Variants in ZFAND3 observed in about 807,000 individuals in gnomAD.
ZFAND3 encodes AN1-type zinc finger protein 3.
In ZFAND3, 10 loss-of-function variants were observed where a neutral mutation model predicts 29.6. The observed-to-expected ratio is 0.34, with a 90% CI of 0.21 to 0.57. The LOEUF (loss-of-function observed/expected upper bound fraction) is 0.57. Among genes scored for constraint, ZFAND3 ranks in the 20% least tolerant of loss-of-function variants. The pLI is 0.86. For synonymous variants in ZFAND3, 128 were observed against 112.6 expected (o/e 1.14, Z -0.87); for missense variants, 230 against 304.5 (o/e 0.76, Z 1.82).
chr6:37,877,082 A>G (rs1764807816), intron 1 of ZFAND3, among the ~76,000 whole-genome samples: 1 of 152,192 alleles, frequency 6.6e-6, no homozygotes, highest in African/African-American at 2.4e-5. Flanking sequence ...GGTTTTGTAT[A>G]GGTCTTTAAT....
chr6:37,951,168 C>T (rs564529588), intron 2 of ZFAND3, among the ~76,000 whole-genome samples: 2 of 152,112 alleles, frequency 1.3e-5, no homozygotes, highest in South Asian at 4.1e-4. Flanking sequence ...TGATTTGGCT[C>T]TCAGCTTGGA....
intron 2 of ZFAND3, among the ~76,000 whole-genome samples, chr6:38,014,590 G>A (rs1185717534): frequency 6.6e-6 from 1 of 152,144 alleles, no homozygotes; most frequent in Non-Finnish European, 1.5e-5. Context: ...GCCTCCCAAA[G>A]TGCTGGGATT....
chr6:38,083,696 G>A (rs1335068473), intron 4 of ZFAND3, among the ~76,000 whole-genome samples: 1 of 152,034 alleles, frequency 6.6e-6, no homozygotes, highest in Non-Finnish European at 1.5e-5. Context: ...CTACCACTAT[G>A]TTCAGGTAGC....
chr6:38,127,016 C>G (rs1160155948), intron 5 of ZFAND3, among the ~76,000 whole-genome samples: 1 of 151,622 alleles, frequency 6.6e-6, no homozygotes, highest in African/African-American at 2.4e-5. Flanking sequence ...GCTCTCGATT[C>G]CTTAGGATTT....
chr6:38,082,989 GCTCT>G (rs1764692390), intron 4 of ZFAND3, among the ~76,000 whole-genome samples: 1 of 152,036 alleles, frequency 6.6e-6, no homozygotes, highest in Admixed American at 6.6e-5. Context: ...GAATCTTGTG[GCTCT>G]CTAAAGAGCA....
At chr6:38,136,121 C>T (rs28360531) in intron 5 of ZFAND3, among the ~76,000 whole-genome samples, 11,453 of 152,194 alleles carry the variant, frequency 0.075, 516 homozygotes, top group African/African-American at 0.13. Context: ...GGTGTTTGGA[C>T]ACAGCTGCCA....
At chr6:37,823,955 C>T (rs1385809577) in intron 1 of ZFAND3, among the ~76,000 whole-genome samples, 4 of 152,080 alleles carry the variant, frequency 2.6e-5, no homozygotes, top group Admixed American at 1.3e-4. Flanking sequence ...CCACACCCAG[C>T]TAATTTTTTA....
intron 2 of ZFAND3, among the ~76,000 whole-genome samples, chr6:38,006,368 A>G (rs772345704): frequency 5.9e-5 from 9 of 152,154 alleles, no homozygotes; most frequent in Non-Finnish European, 1.0e-4. Context: ...AACAATTCTA[A>G]TTGTTTCTTT....
intron 4 of ZFAND3, among the ~76,000 whole-genome samples, chr6:38,082,874 C>T (rs1318533678): frequency 6.6e-6 from 1 of 152,038 alleles, no homozygotes; most frequent in African/African-American, 2.4e-5. Flanking sequence ...TATTTTCTGT[C>T]ATTCGATTTA....
chr6:38,025,666 C>G (rs764606561), intron 2 of ZFAND3, among the ~76,000 whole-genome samples: 1 of 152,058 alleles, frequency 6.6e-6, no homozygotes, highest in Non-Finnish European at 1.5e-5. Context: ...TTCATCCATA[C>G]AGGGAATATT....
chr6:37,921,908 A>C (rs1290523165), intron 1 of ZFAND3, among the ~76,000 whole-genome samples: 1 of 149,998 alleles, frequency 6.7e-6, no homozygotes, highest in Non-Finnish European at 1.5e-5. Flanking sequence ...ACAAACCCAC[A>C]CAAAAATTAG....
intron 2 of ZFAND3, among the ~76,000 whole-genome samples, chr6:37,994,155 A>C (rs549146287): frequency 6.6e-6 from 1 of 152,170 alleles, no homozygotes; most frequent in South Asian, 2.1e-4. Context: ...TCTGTTACAA[A>C]AAATATGATT....
chr6:38,144,279 G>T (rs889312966), intron 5 of ZFAND3, among the ~76,000 whole-genome samples: 1 of 146,636 alleles, frequency 6.8e-6, no homozygotes, highest in African/African-American at 2.6e-5. Context: ...GATGGGTCGG[G>T]GATATTTGTC....
At chr6:38,110,486 AGT>A (rs1248828257) in intron 4 of ZFAND3, among the ~76,000 whole-genome samples, 9 of 152,048 alleles carry the variant, frequency 5.9e-5, no homozygotes, top group Non-Finnish European at 1.3e-4. Flanking sequence ...TTCCAGTGAG[AGT>A]GTGGTATTTT....
At chr6:37,851,940 G>A (rs1764289027) in intron 1 of ZFAND3, among the ~76,000 whole-genome samples, 1 of 152,164 alleles carries the variant, frequency 6.6e-6, no homozygotes, top group South Asian at 2.1e-4. Context: ...AGAAACAATA[G>A]CTGATACATT....
intron 1 of ZFAND3, among the ~76,000 whole-genome samples, chr6:37,911,598 G>T (rs1314077693): frequency 6.6e-6 from 1 of 152,136 alleles, no homozygotes; most frequent in East Asian, 1.9e-4. Context: ...ATGCTTGGCA[G>T]TATGTCTTTT....
intron 2 of ZFAND3, among the ~76,000 whole-genome samples, chr6:37,944,807 G>C (rs767721759): frequency 2.0e-5 from 3 of 152,200 alleles, no homozygotes; most frequent in Non-Finnish European, 4.4e-5. Context: ...GCTCTTGACA[G>C]TGTCTTCAGT....
rs1763493439 is a variant in ZFAND3 at position 38,028,633 on chromosome 6, A to G, written c.113-32960A>G. Reference sequence around the variant, plus strand: ...GACTAAAGTCTGCCTGACCTAGGGTACTATTGTAGTAAAGAATCCACTTAA... The same window carrying G: ...GACTAAAGTCTGCCTGACCTAGGGTGCTATTGTAGTAAAGAATCCACTTAA... On this transcript the variant is annotated intron_variant, in intron 2 of 5. Transcript: ENST00000287218. Among the ~76,000 whole-genome samples the G allele has an allele frequency of 2.0e-5, 3 of 151,974 alleles. No homozygotes were observed. The South Asian group carries it at 6.2e-4, about 32-fold the overall frequency.
rs183572332 is a variant in ZFAND3 at position 38,081,040 on chromosome 6, C to T, written c.296-1352C>T. ...AATACAAGCCAATGATGAATGTTCT[C>T]CTTCCTCATTACATATAGCCTTTAT... On this transcript the variant is annotated intron_variant, in intron 3 of 5. Transcript: ENST00000287218. 2.6e-3 allele frequency among the ~76,000 whole-genome samples: 397 copies of T among 152,284 alleles called. 1 individual carries two copies. Among genetic ancestry groups the T allele is most frequent in the Non-Finnish European group, 3.0e-3 (203 of 68,006 alleles).
Sources: allele counts gnomAD v4.1 joint callset (sites outside exome capture counted in the v4.1 genomes callset), GRCh38; gene constraint gnomAD v4.1.1; transcripts MANE v1.5; gene names NCBI Gene and HGNC (gene_info 2026-07-23, HGNC 2026-07-21).